Variants in ARSB observed in about 807,000 individuals in gnomAD.
ARSB encodes N-acetylgalactosamine-4-sulfatase.
In ARSB, 41 loss-of-function variants were observed where a neutral mutation model predicts 50.9. The observed-to-expected ratio is 0.81, with a 90% CI of 0.63 to 1.04. The LOEUF (loss-of-function observed/expected upper bound fraction) is 1.04. ARSB is among the 50% of genes least tolerant of loss of function. The probability of loss-of-function intolerance (pLI) is 0.00; values close to 1 mark genes in which losing one functional copy is unlikely to be tolerated. For synonymous variants in ARSB, 269 were observed against 284.8 expected, an observed-to-expected ratio of 0.94 and a Z score of 0.56; for missense variants, 672 against 693.3, an observed-to-expected ratio of 0.97 and a Z score of 0.35.
intron 4 of ARSB, among the ~76,000 whole-genome samples, chr5:78,914,080 A>G (rs1749436414): frequency 6.6e-6 from 1 of 151,368 alleles, no homozygotes; most frequent in African/African-American, 2.4e-5. Flanking sequence ...TTCTCACCTC[A>G]GCCTTCTGAG....
At chr5:78,947,354 G>T (rs1751286593) in intron 4 of ARSB, among the ~76,000 whole-genome samples, 1 of 152,112 alleles carries the variant, frequency 6.6e-6, no homozygotes, top group Non-Finnish European at 1.5e-5. Flanking sequence ...GCCATGGAAT[G>T]GGAGAAAATA....
At chr5:78,874,374 C>T (rs1747387698) in intron 5 of ARSB, among the ~76,000 whole-genome samples, 1 of 152,086 alleles carries the variant, frequency 6.6e-6, no homozygotes, top group African/African-American at 2.4e-5. Flanking sequence ...AATAACACTA[C>T]TTAAATCACA....
At chr5:78,973,354 C>A (rs780141782) in intron 1 of ARSB, among the ~76,000 whole-genome samples, 2 of 152,206 alleles carry the variant, frequency 1.3e-5, no homozygotes, top group Non-Finnish European at 2.9e-5. Context: ...CAAAAAACAA[C>A]TTCTCCTAAG....
chr5:78,864,943 C>G (rs1746637440), intron 5 of ARSB, among the ~76,000 whole-genome samples: 1 of 152,236 alleles, frequency 6.6e-6, no homozygotes, highest in African/African-American at 2.4e-5. Context: ...TTCCCATGGT[C>G]TTGGGCAGCT....
intron 5 of ARSB, among the ~76,000 whole-genome samples, chr5:78,858,451 T>C (rs1000545566): frequency 2.0e-5 from 3 of 152,200 alleles, no homozygotes; most frequent in African/African-American, 7.2e-5. Context: ...TTTCTAAAAG[T>C]CTACAGTTTC....
At chr5:78,841,843 TG>T (rs1745228848) in intron 5 of ARSB, among the ~76,000 whole-genome samples, 2 of 152,332 alleles carry the variant, frequency 1.3e-5, no homozygotes, top group South Asian at 4.1e-4. Flanking sequence ...AGAATCATCA[TG>T]ATGCAAATAG....
chr5:78,985,535 C>A, upstream of ARSB: 1 of 246,916 alleles, frequency 4.0e-6, no homozygotes, highest in Admixed American at 5.5e-5. Flanking sequence ...TCTTCCCCGG[C>A]AATTAAATTT....
At chr5:78,790,966 T>C (rs1749219043) in intron 6 of ARSB, among the ~76,000 whole-genome samples, 1 of 152,246 alleles carries the variant, frequency 6.6e-6, no homozygotes, top group Non-Finnish European at 1.5e-5. Context: ...CCACTTTTAG[T>C]CTGTAGCCCC....
intron 6 of ARSB, among the ~76,000 whole-genome samples, chr5:78,828,083 TA>T (rs1013506693): frequency 3.9e-5 from 6 of 151,904 alleles, no homozygotes; most frequent in East Asian, 1.9e-4. Context: ...ATAAAGAGTA[TA>T]AAAAAAATCT....
intron 5 of ARSB, among the ~76,000 whole-genome samples, chr5:78,864,168 G>T (rs535015822): frequency 2.6e-5 from 4 of 152,046 alleles, no homozygotes; most frequent in Admixed American, 2.0e-4. Context: ...GAGGGTTAGG[G>T]GGTACAAGAG....
At chr5:78,978,937 T>C (rs922949580) in intron 1 of ARSB, among the ~76,000 whole-genome samples, 1 of 152,226 alleles carries the variant, frequency 6.6e-6, no homozygotes, top group Non-Finnish European at 1.5e-5. Flanking sequence ...TTCTTAGACA[T>C]GGTACCAACA....
chr5:78,957,758 G>A (rs373393098), intron 3 of ARSB, among the ~76,000 whole-genome samples: 4 of 152,146 alleles, frequency 2.6e-5, no homozygotes, highest in African/African-American at 9.6e-5. Flanking sequence ...CCCTGCCTGG[G>A]GGTGATGAAG....
chr5:78,825,697 A>G (rs1180513181), intron 6 of ARSB, among the ~76,000 whole-genome samples: 1 of 152,160 alleles, frequency 6.6e-6, no homozygotes, highest in Non-Finnish European at 1.5e-5. Flanking sequence ...TTCCTCTTTT[A>G]TTATTTTTTT....
chr5:78,800,747 T>C (rs1018100226), intron 6 of ARSB, among the ~76,000 whole-genome samples: 3 of 152,170 alleles, frequency 2.0e-5, no homozygotes, highest in Non-Finnish European at 2.9e-5. Flanking sequence ...AAAGGAGTGG[T>C]AAGACACAAG....
At chr5:78,969,335 G>C in intron 1 of ARSB, 143 bp from the exon 2 acceptor site, 1 of 869,196 alleles carries the variant, frequency 1.2e-6, no homozygotes, top group Non-Finnish European at 1.8e-6. Flanking sequence ...GGATATTTCT[G>C]AAAGGCAGAA....
chr5:78,825,426 GA>G (rs1338567009), intron 6 of ARSB, among the ~76,000 whole-genome samples: 2 of 151,904 alleles, frequency 1.3e-5, no homozygotes, highest in African/African-American at 2.4e-5. Flanking sequence ...GAAAGACTAA[GA>G]AAAAAATCCC....
chr5:78,846,986 T>C (rs571964092), intron 5 of ARSB, among the ~76,000 whole-genome samples: 1 of 152,326 alleles, frequency 6.6e-6, no homozygotes, highest in South Asian at 2.1e-4. Context: ...TCAAATCCTT[T>C]TTATGTATCT....
At chr5:78,834,263 A>C (rs766932626) in intron 6 of ARSB, among the ~76,000 whole-genome samples, 8 of 152,242 alleles carry the variant, frequency 5.3e-5, no homozygotes, top group Non-Finnish European at 7.4e-5. Flanking sequence ...AAATTGTGGT[A>C]AAATACAAAC....
intron 1 of ARSB, among the ~76,000 whole-genome samples, chr5:78,969,453 C>A (rs986367702): frequency 3.3e-5 from 5 of 149,824 alleles, no homozygotes; most frequent in Non-Finnish European, 7.4e-5. Flanking sequence ...ATGTTAGAAA[C>A]CATTAACTTG....
Sources: gnomAD v4.1 joint callset for allele counts (sites outside exome capture counted in the v4.1 genomes callset) on GRCh38, gnomAD v4.1.1 for gene constraint, MANE v1.5 for transcripts, NCBI Gene and HGNC (gene_info 2026-07-23, HGNC 2026-07-21) for gene names.